Variants in SLC26A5 observed in about 807,000 individuals in gnomAD.
SLC26A5 encodes the protein solute carrier family 26 member 5.
A neutral mutation model predicts 81.0 loss-of-function variants in SLC26A5; 51 were observed. The observed-to-expected ratio is 0.63, with a 90% CI of 0.50 to 0.80. The LOEUF (loss-of-function observed/expected upper bound fraction) is 0.80. Ranked by LOEUF, SLC26A5 falls within the 30% of genes least tolerant of loss-of-function variation. The pLI, the probability that SLC26A5 is intolerant of heterozygous loss-of-function variation, is 0.00. For missense variants in SLC26A5, 771 were observed against 905.8 expected (o/e 0.85, Z 1.91); for synonymous variants, 325 against 332.8 (o/e 0.98, Z 0.25).
intron 2 of SLC26A5, among the ~76,000 whole-genome samples, chr7:103,423,456 T>A: frequency 6.6e-6 from 1 of 152,232 alleles, no homozygotes; most frequent in East Asian, 1.9e-4. Flanking sequence ...TGACTGTTTT[T>A]GTCTCTTTCA....
chr7:103,420,717 A>G (rs572986263), intron 4 of SLC26A5, 21 bp downstream of exon 4: 3 of 1,613,336 alleles, frequency 1.9e-6, no homozygotes, highest in South Asian at 1.1e-5. Flanking sequence ...CAAGGGGGGA[A>G]AGAAAGAAAG....
At chr7:103,438,824 T>C (rs552092775) in intron 2 of SLC26A5, among the ~76,000 whole-genome samples, 26 of 152,298 alleles carry the variant, frequency 1.7e-4, no homozygotes, top group African/African-American at 6.0e-4. Context: ...CTGATTTCTA[T>C]CACCATAGAT....
intron 14 of SLC26A5, among the ~76,000 whole-genome samples, chr7:103,382,237 G>C (rs1196909588): frequency 2.6e-5 from 4 of 151,896 alleles, no homozygotes; most frequent in African/African-American, 9.7e-5. Context: ...TAGTAGGGGA[G>C]TAGTCAATTG....
At chr7:103,419,417 T>A (rs902069190) in intron 4 of SLC26A5, among the ~76,000 whole-genome samples, 1 of 152,186 alleles carries the variant, frequency 6.6e-6, no homozygotes, top group African/African-American at 2.4e-5. Context: ...TCATTCTTTG[T>A]ACCATACCCA....
intron 1 of SLC26A5, chr7:103,445,830 T>A (rs1827265112): frequency 6.5e-6 from 1 of 153,282 alleles, no homozygotes; most frequent in African/African-American, 2.4e-5. Flanking sequence ...AAAAATGCTG[T>A]GTGGAGCTGC....
intron 3 of SLC26A5, 93 bp from the exon 4 acceptor site, chr7:103,420,970 G>A (rs1366436853): frequency 1.7e-5 from 23 of 1,376,284 alleles, no homozygotes; most frequent in South Asian, 2.4e-5. Context: ...TTATTCCCAG[G>A]AGCAATCTGG....
intron 19 of SLC26A5, among the ~76,000 whole-genome samples, chr7:103,375,429 A>T (rs960475155): frequency 6.6e-6 from 1 of 152,088 alleles, no homozygotes; most frequent in African/African-American, 2.4e-5. Flanking sequence ...TCTGCCCTCC[A>T]TAGGGGCTGT....
intron 14 of SLC26A5, among the ~76,000 whole-genome samples, chr7:103,384,331 G>A (rs543664559): frequency 6.6e-6 from 1 of 151,890 alleles, no homozygotes; most frequent in African/African-American, 2.4e-5. Flanking sequence ...TGCTGATTGA[G>A]GCTGGGCGCG....
intron 2 of SLC26A5, among the ~76,000 whole-genome samples, chr7:103,440,685 T>C (rs554342187): frequency 3.9e-5 from 6 of 152,306 alleles, no homozygotes; most frequent in African/African-American, 1.2e-4. Flanking sequence ...TAGAATTTTG[T>C]TTTGTTTGTT....
chr7:103,427,851 CT>C (rs60928156), intron 2 of SLC26A5, among the ~76,000 whole-genome samples: 82 of 143,932 alleles, frequency 5.7e-4, no homozygotes, highest in Middle Eastern at 3.6e-3. Context: ...TCTAGAGATT[CT>C]TTTTTTTTTT....
intron 1 of SLC26A5, among the ~76,000 whole-genome samples, chr7:103,444,860 C>G (rs191499007): frequency 0.012 from 1,800 of 152,260 alleles, 38 homozygotes; most frequent in African/African-American, 0.041. Flanking sequence ...CCCTCCTGTC[C>G]TTTGCCTGAA....
chr7:103,402,606 G>T (rs777147827), intron 8 of SLC26A5, among the ~76,000 whole-genome samples: 9 of 151,780 alleles, frequency 5.9e-5, no homozygotes, highest in Non-Finnish European at 2.9e-5. Flanking sequence ...TCACCATGTT[G>T]GCCAATATGG....
intron 2 of SLC26A5, chr7:103,435,227 A>C (rs1826365360): frequency 6.6e-6 from 1 of 152,192 alleles, no homozygotes; most frequent in Admixed American, 6.5e-5. Flanking sequence ...CAACAACTCT[A>C]ATCATGCTAA....
At chr7:103,400,857 G>A (rs755748667) in intron 8 of SLC26A5, among the ~76,000 whole-genome samples, 1 of 152,184 alleles carries the variant, frequency 6.6e-6, no homozygotes, top group African/African-American at 2.4e-5. Context: ...GTTTGTCAAA[G>A]ATCAGATGGT....
intron 8 of SLC26A5, 123 bp from the exon 9 acceptor site, chr7:103,398,137 A>G: frequency 1.2e-6 from 1 of 805,264 alleles, no homozygotes; most frequent in Non-Finnish European, 2.1e-6. Context: ...AGATTTAAAA[A>G]GAAGATTTAC....
At chr7:103,353,231 A>G (rs1471309463) in intron 19 of SLC26A5, among the ~76,000 whole-genome samples, 1 of 152,020 alleles carries the variant, frequency 6.6e-6, no homozygotes, top group Non-Finnish European at 1.5e-5. Context: ...AACCTACCTG[A>G]TTCACTGAAT....
chr7:103,388,569 C>A, intron 14 of SLC26A5: 1 of 306,670 alleles, frequency 3.3e-6, no homozygotes, highest in Non-Finnish European at 6.4e-6. Flanking sequence ...GAAGAGATAA[C>A]AAGGGAAAGT....
At chr7:103,422,890 G>A (rs1412519536) in intron 2 of SLC26A5, among the ~76,000 whole-genome samples, 1 of 152,222 alleles carries the variant, frequency 6.6e-6, no homozygotes, top group Non-Finnish European at 1.5e-5. Context: ...CTGTGGAATT[G>A]TGAGGGCTAC....
chr7:103,400,307 T>G (rs1823483283), intron 8 of SLC26A5, among the ~76,000 whole-genome samples: 1 of 152,234 alleles, frequency 6.6e-6, no homozygotes, highest in Non-Finnish European at 1.5e-5. Context: ...TGATTTGCAT[T>G]TCTCTAATGG....
Sources: gnomAD v4.1 joint callset for allele counts (sites outside exome capture counted in the v4.1 genomes callset) on GRCh38, gnomAD v4.1.1 for gene constraint, MANE v1.5 for transcripts, NCBI Gene and HGNC (gene_info 2026-07-23, HGNC 2026-07-21) for gene names.